HRH1: variants seen among roughly 807,000 people sequenced by gnomAD.
HRH1 encodes histamine receptor H1, also known as histamine H1 receptor.
HRH1 carries 6 observed loss-of-function variants against 10.3 expected under a neutral mutation model. The ratio of observed to expected loss-of-function variants is 0.58; its 90% confidence interval spans 0.32 to 1.15. The LOEUF (loss-of-function observed/expected upper bound fraction) is 1.15, where lower values mean the gene tolerates loss of function less well. Among genes scored for constraint, HRH1 ranks in the 50% most tolerant of loss-of-function variants. HRH1 has a pLI of 0.05. For missense variants in HRH1, 514 were observed against 615.3 expected, an observed-to-expected ratio of 0.84 and a Z score of 1.74; for synonymous variants, 242 against 236.7, an observed-to-expected ratio of 1.02 and a Z score of -0.21.
intron 1 of HRH1, among the ~76,000 whole-genome samples, chr3:11,257,526 C>G (rs556273993): frequency 6.6e-6 from 1 of 150,972 alleles, no homozygotes; most frequent in Non-Finnish European, 1.5e-5. Context: ...TGCCATTGCA[C>G]TCCAGTCTGG....
In HRH1 at chr3:11,219,787, G is replaced by A. The variant is rs565375088; in HGVS notation, c.-35-39216G>A. 5.3e-5 allele frequency among the ~76,000 whole-genome samples: 8 copies of A among 150,500 alleles called. No homozygotes were observed. The East Asian group carries it at 1.4e-3, about 26-fold the overall frequency. ...CAATTCAATCAATGCACTGGTATCT[G>A]CTGCAAGACACGTCCATTCAGTCTA... On this transcript the variant is annotated intron_variant, in intron 1 of 1. Coordinates refer to ENST00000431010, the MANE Select transcript of HRH1 (RefSeq NM_001098212.2).
intron 1 of HRH1, among the ~76,000 whole-genome samples, chr3:11,178,469 C>G (rs916029526): frequency 6.6e-6 from 1 of 152,202 alleles, no homozygotes; most frequent in Non-Finnish European, 1.5e-5. Context: ...TCTGCGCAAC[C>G]CTCTTCCAAC....
intron 1 of HRH1, among the ~76,000 whole-genome samples, chr3:11,257,904 T>C (rs990927695): frequency 1.3e-5 from 2 of 152,186 alleles, no homozygotes; most frequent in African/African-American, 4.8e-5. Flanking sequence ...CTTTAACTCT[T>C]GCCCTCAAGC....
intron 1 of HRH1, among the ~76,000 whole-genome samples, chr3:11,173,530 T>A (rs1937194712): frequency 6.6e-6 from 1 of 151,986 alleles, no homozygotes; most frequent in Non-Finnish European, 1.5e-5. Context: ...AGCCTCCGAG[T>A]AGCTGGGACT....
At chr3:11,142,442 A>G (rs1353294537) in intron 1 of HRH1, among the ~76,000 whole-genome samples, 2 of 152,226 alleles carry the variant, frequency 1.3e-5, no homozygotes, top group African/African-American at 4.8e-5. Context: ...GTGAGGAAAA[A>G]GACAGAAACC....
At chr3:11,184,425 T>G (rs1425849976) in intron 1 of HRH1, among the ~76,000 whole-genome samples, 1 of 152,118 alleles carries the variant, frequency 6.6e-6, no homozygotes. Context: ...TCTTCACCAC[T>G]GAATGTCTTG....
At chr3:11,249,259 T>C (rs1052263591) in intron 1 of HRH1, among the ~76,000 whole-genome samples, 5 of 151,870 alleles carry the variant, frequency 3.3e-5, no homozygotes, top group East Asian at 1.9e-4. Flanking sequence ...AAAAATTAGC[T>C]GGGCATGGTG....
At chr3:11,144,474 C>CGTATAGACATACGTCTATAGGTAT (rs1559249802) in intron 1 of HRH1, among the ~76,000 whole-genome samples, 4 of 149,030 alleles carry the variant, frequency 2.7e-5, no homozygotes, top group Non-Finnish European at 4.5e-5. Flanking sequence ...TACATATAGA[C>CGTATAGACATACGTCTATAGGTAT]ATATATATAC....
chr3:11,226,885 TAAA>T (rs11312109), intron 1 of HRH1, among the ~76,000 whole-genome samples: 28 of 133,334 alleles, frequency 2.1e-4, no homozygotes, highest in Non-Finnish European at 1.8e-4. Context: ...AGACTCAGTC[TAAA>T]AAAAAAAAAA....
At chr3:11,213,013 A>C (rs931836503) in intron 1 of HRH1, among the ~76,000 whole-genome samples, 2 of 152,044 alleles carry the variant, frequency 1.3e-5, no homozygotes, top group Non-Finnish European at 2.9e-5. Flanking sequence ...TTTCCTTTAG[A>C]TCTCCGCTCA....
intron 1 of HRH1, among the ~76,000 whole-genome samples, chr3:11,179,801 C>T (rs1229097399): frequency 1.2e-4 from 18 of 144,238 alleles, no homozygotes; most frequent in South Asian, 2.2e-4. Context: ...GACAAGGTGT[C>T]ACTCTGCCAC....
At chr3:11,197,835 T>C (rs1937726006) in intron 1 of HRH1, among the ~76,000 whole-genome samples, 2 of 152,182 alleles carry the variant, frequency 1.3e-5, no homozygotes. Flanking sequence ...CCTCCAGCAT[T>C]AACTCTTGGG....
At position 11,260,686 on chromosome 3, in the gene HRH1, CAG is replaced by C; in HGVS notation, c.*191_*192del. 1 of 559,122 alleles carries C rather than the reference CAG, an allele frequency of 1.8e-6. No homozygotes were observed. Among genetic ancestry groups the C allele is most frequent in the Non-Finnish European group, 3.2e-6 (1 of 312,284 alleles). The allele number at this position is 559,122 out of a possible 1,614,324, so 34.6% of individuals were successfully genotyped here. ...AAGAACAGCAGATGGCGGTGATCAG[CAG>C]AGAGATTGAACTTTGAGGAGGAAGC... On this transcript the variant is annotated 3_prime_UTR_variant, in exon 2 of 2. Coordinates refer to ENST00000431010, the MANE Select transcript of HRH1 (RefSeq NM_001098212.2).
At chr3:11,203,324 G>A (rs1284434767) in intron 1 of HRH1, among the ~76,000 whole-genome samples, 3 of 152,114 alleles carry the variant, frequency 2.0e-5, no homozygotes, top group Non-Finnish European at 2.9e-5. Flanking sequence ...TGTGAGAAAC[G>A]GCCAAACTGT....
chr3:11,221,208 G>A (rs915819709), intron 1 of HRH1, among the ~76,000 whole-genome samples: 1 of 152,158 alleles, frequency 6.6e-6, no homozygotes, highest in African/African-American at 2.4e-5. Context: ...AGTGCTTTAA[G>A]GAGCTGTTTA....
upstream of HRH1, among the ~76,000 whole-genome samples, chr3:11,151,065 G>A (rs1936605471): frequency 6.6e-6 from 1 of 152,212 alleles, no homozygotes; most frequent in African/African-American, 2.4e-5. Context: ...ACAGCGGGCT[G>A]ACTCTACTCC....
chr3:11,164,959 A>G (rs746409743), intron 1 of HRH1, among the ~76,000 whole-genome samples: 3 of 152,218 alleles, frequency 2.0e-5, no homozygotes, highest in Admixed American at 6.5e-5. Context: ...GAGTCTGTTC[A>G]TGGTGATCAT....
intron 1 of HRH1, among the ~76,000 whole-genome samples, chr3:11,178,613 C>T (rs532773320): frequency 6.6e-6 from 1 of 152,186 alleles, no homozygotes; most frequent in African/African-American, 2.4e-5. Context: ...CACCCCACCC[C>T]CTGCGGCCTT....
chr3:11,221,922 A>G (rs1046869331), intron 1 of HRH1, among the ~76,000 whole-genome samples: 1 of 152,214 alleles, frequency 6.6e-6, no homozygotes, highest in Admixed American at 6.5e-5. Context: ...CACGTGCCAG[A>G]TGCCCTTCCT....
Sources: allele counts gnomAD v4.1 joint callset (sites outside exome capture counted in the v4.1 genomes callset), GRCh38; gene constraint gnomAD v4.1.1; transcripts MANE v1.5; gene names NCBI Gene and HGNC (gene_info 2026-07-23, HGNC 2026-07-21).